ITGA1: variants seen among roughly 807,000 people sequenced by gnomAD.
ITGA1 encodes the protein integrin subunit alpha 1.
Under a neutral mutation model 145.9 loss-of-function variants are expected in ITGA1, and 85 were observed. The observed-to-expected ratio is 0.58, with a 90% CI of 0.49 to 0.70. The LOEUF (loss-of-function observed/expected upper bound fraction) is 0.70. ITGA1 is among the 30% of genes least tolerant of loss of function. The pLI is 0.00. For missense variants in ITGA1, 1,351 were observed against 1,418.7 expected (o/e 0.95, Z 0.77); for synonymous variants, 520 against 495.3 (o/e 1.05, Z -0.66).
intron 28 of ITGA1, 84 bp downstream of exon 28, chr5:52,947,545 T>C (rs1284798327): frequency 1.3e-6 from 1 of 778,718 alleles, no homozygotes; most frequent in African/African-American, 1.7e-5. Flanking sequence ...TCAGACTATG[T>C]AATATAGTAT....
At chr5:52,921,652 A>C (rs2111873760) in intron 17 of ITGA1, among the ~76,000 whole-genome samples, 1 of 152,318 alleles carries the variant, frequency 6.6e-6, no homozygotes, top group Non-Finnish European at 1.5e-5. Flanking sequence ...TCAGTGTCTA[A>C]GTTATGTCCA....
intron 1 of ITGA1, among the ~76,000 whole-genome samples, chr5:52,844,119 TTCTC>T: frequency 6.6e-6 from 1 of 152,278 alleles, no homozygotes; most frequent in South Asian, 2.1e-4. Context: ...AATTTCATCT[TTCTC>T]TTTTTTTAAC....
intron 1 of ITGA1, among the ~76,000 whole-genome samples, chr5:52,845,352 T>C (rs760312257): frequency 2.0e-4 from 31 of 152,328 alleles, no homozygotes; most frequent in Non-Finnish European, 3.5e-4. Flanking sequence ...ATTGACATTA[T>C]GAAAAAGAAA....
intron 1 of ITGA1, among the ~76,000 whole-genome samples, chr5:52,844,924 A>G (rs1437571510): frequency 6.6e-6 from 1 of 152,130 alleles, no homozygotes; most frequent in African/African-American, 2.4e-5. Flanking sequence ...TTTACTGTTT[A>G]CTCACTCCTT....
chr5:52,800,187 C>A, intron 1 of ITGA1: 1 of 590,420 alleles, frequency 1.7e-6, no homozygotes, highest in Non-Finnish European at 3.0e-6. Flanking sequence ...AGACGCAGCG[C>A]GCCGGGAGAC....
chr5:52,799,706 G>A (rs771594449), intron 1 of ITGA1, among the ~76,000 whole-genome samples: 1 of 152,226 alleles, frequency 6.6e-6, no homozygotes, highest in Non-Finnish European at 1.5e-5. Context: ...TCCGAGTGCG[G>A]ATAAGGCAAG....
chr5:52,882,115 A>C, intron 7 of ITGA1, 94 bp downstream of exon 7: 1 of 1,069,160 alleles, frequency 9.4e-7, no homozygotes, highest in Non-Finnish European at 1.3e-6. Flanking sequence ...GTTTAATATG[A>C]CAATATTTAA....
chr5:52,946,447 C>T (rs1751136926), intron 27 of ITGA1, among the ~76,000 whole-genome samples: 1 of 152,144 alleles, frequency 6.6e-6, no homozygotes, highest in African/African-American at 2.4e-5. Flanking sequence ...AGCTCTGTCA[C>T]CTACCTGGAG....
At chr5:52,795,886 A>T (rs1748331923) in intron 1 of ITGA1, among the ~76,000 whole-genome samples, 1 of 151,970 alleles carries the variant, frequency 6.6e-6, no homozygotes, top group Non-Finnish European at 1.5e-5. Flanking sequence ...GACTTATTTC[A>T]AGTTGGTAGA....
At chr5:52,951,270 T>C (rs965936929) in intron 28 of ITGA1, among the ~76,000 whole-genome samples, 5 of 152,216 alleles carry the variant, frequency 3.3e-5, no homozygotes, top group Non-Finnish European at 7.3e-5. Context: ...CGATCTATTA[T>C]AGCCCCCTCT....
intron 28 of ITGA1, 89 bp downstream of exon 28, chr5:52,947,550 T>TC: frequency 1.3e-6 from 1 of 758,824 alleles, no homozygotes; most frequent in Non-Finnish European, 2.3e-6. Context: ...CTATGTAATA[T>TC]AGTATTATTA....
chr5:52,949,291 C>T (rs1324186291), intron 28 of ITGA1, among the ~76,000 whole-genome samples: 1 of 152,102 alleles, frequency 6.6e-6, no homozygotes, highest in African/African-American at 2.4e-5. Context: ...GTCGTATGAA[C>T]CTCCTCTTTT....
chr5:52,848,779 C>T (rs1412907569), intron 1 of ITGA1, among the ~76,000 whole-genome samples: 1 of 150,302 alleles, frequency 6.7e-6, no homozygotes, highest in Admixed American at 6.7e-5. Flanking sequence ...TTCCTGTGTC[C>T]AGGTGTTCTC....
intron 2 of ITGA1, among the ~76,000 whole-genome samples, chr5:52,856,961 T>C (rs918330065): frequency 1.6e-4 from 24 of 152,142 alleles, no homozygotes; most frequent in African/African-American, 5.5e-4. Flanking sequence ...ACCAATTCTG[T>C]TCCACGTGGC....
intron 11 of ITGA1, among the ~76,000 whole-genome samples, chr5:52,900,860 C>T (rs1750303109): frequency 6.6e-6 from 1 of 152,124 alleles, no homozygotes; most frequent in Non-Finnish European, 1.5e-5. Context: ...ACACAGTTAA[C>T]ACTCAATGGG....
At chr5:52,919,855 C>G (rs1750705447) in intron 16 of ITGA1, among the ~76,000 whole-genome samples, 1 of 151,646 alleles carries the variant, frequency 6.6e-6, no homozygotes, top group Admixed American at 6.6e-5. Flanking sequence ...GTGGTTTGAC[C>G]ATAAGCTGAG....
At chr5:52,800,595 C>T (rs1161733958) in intron 1 of ITGA1, 32 of 1,613,614 alleles carry the variant, frequency 2.0e-5, no homozygotes, top group African/African-American at 4.0e-5. Flanking sequence ...CCCTCACTCT[C>T]TGCGTGGAGG....
intron 3 of ITGA1, among the ~76,000 whole-genome samples, chr5:52,861,888 A>T (rs77775118): frequency 1.3e-3 from 172 of 135,454 alleles, no homozygotes; most frequent in African/African-American, 4.4e-3. Flanking sequence ...AAAAAAAAAA[A>T]ATCAGGTCTT....
At chr5:52,846,133 ACT>A (rs1749330090) in intron 1 of ITGA1, among the ~76,000 whole-genome samples, 2 of 152,076 alleles carry the variant, frequency 1.3e-5, no homozygotes, top group South Asian at 4.1e-4. Context: ...GGGCGCAGTG[ACT>A]CACACCTGTA....
Sources: allele counts gnomAD v4.1 joint callset (sites outside exome capture counted in the v4.1 genomes callset), GRCh38; gene constraint gnomAD v4.1.1; transcripts MANE v1.5; gene names NCBI Gene and HGNC (gene_info 2026-07-23, HGNC 2026-07-21).